The following ATP10D variants were observed in gnomAD, a reference collection of about 807,000 sequenced individuals.
The protein encoded by ATP10D is ATPase phospholipid transporting 10D (putative), also known as phospholipid-transporting ATPase VD.
Under a neutral mutation model 144.8 loss-of-function variants are expected in ATP10D, and 89 were observed. The observed-to-expected ratio is 0.61, with a 90% CI of 0.52 to 0.73. ATP10D has a LOEUF of 0.73. Among genes scored for constraint, ATP10D ranks in the 30% least tolerant of loss-of-function variants. The pLI, the probability that ATP10D is intolerant of heterozygous loss-of-function variation, is 0.00. For missense variants in ATP10D, 1,603 were observed against 1,714.8 expected (o/e 0.93, Z 1.15); for synonymous variants, 571 against 615.1 (o/e 0.93, Z 1.06).
At position 47,562,085 on chromosome 4, in the gene ATP10D, T is replaced by C. The variant is rs973740320; in HGVS notation, c.2668+1010T>C. ...CATGGGTTTAGTGCCAAAACTCATTTGGCAGAAAAATCATACCTGATTTGA... is the reference window on the plus strand; with the variant it reads ...CATGGGTTTAGTGCCAAAACTCATTCGGCAGAAAAATCATACCTGATTTGA... On this transcript the variant is annotated intron_variant, in intron 14 of 22. Coordinates refer to ENST00000273859, the MANE Select transcript of ATP10D (RefSeq NM_020453.4). 5.3e-5 allele frequency among the ~76,000 whole-genome samples: 8 copies of C among 152,230 alleles called. No individual in the cohort carries two copies. In the East Asian group the frequency reaches 1.5e-3, roughly 29 times the overall value.
At chr4:47,572,502 C>T (rs969518853) in intron 17 of ATP10D, among the ~76,000 whole-genome samples, 10 of 151,684 alleles carry the variant, frequency 6.6e-5, no homozygotes, top group African/African-American at 1.9e-4. Context: ...GCAATGGCTG[C>T]GTAAATTCTG....
intron 11 of ATP10D, among the ~76,000 whole-genome samples, chr4:47,557,253 A>G (rs1430255896): frequency 6.6e-6 from 1 of 152,012 alleles, no homozygotes; most frequent in African/African-American, 2.4e-5. Context: ...ATACACACAG[A>G]TAAGATCATG....
Position 47,582,009 on chromosome 4 carries a change from A to T in ATP10D, c.3698A>T (p.Asn1233Ile), listed in dbSNP as rs375013581. ...TDIFAFGNPL[N>I]TAALFIVLLH... ...ATCTTTGCATTTGGAAACCCCCTGA[A>T]CACAGCCGCTCTGTTCATCGTTCTC... is the stretch of plus-strand genomic sequence containing the variant. The change falls in exon 21 of 23, where the codon AAC becomes ATC. Residue 1233 changes from asparagine (N) to isoleucine (I), a missense_variant. Asn to Ile is a moderately radical substitution (Grantham distance 149). Coordinates refer to ENST00000273859, the MANE Select transcript of ATP10D (RefSeq NM_020453.4). 1.4e-5 allele frequency: 23 copies of T among 1,613,970 alleles called. No individual in the cohort carries two copies. The African/African-American group carries it at 2.7e-4, about 19-fold the overall frequency.
At chr4:47,579,761 G>T (rs116507964) in intron 19 of ATP10D, among the ~76,000 whole-genome samples, 1 of 152,262 alleles carries the variant, frequency 6.6e-6, no homozygotes, top group Admixed American at 6.5e-5. Flanking sequence ...CTTAGATTGT[G>T]TTGGAAATGC....
intron 15 of ATP10D, among the ~76,000 whole-genome samples, chr4:47,568,217 A>T (rs970961592): frequency 1.3e-5 from 2 of 152,240 alleles, no homozygotes; most frequent in African/African-American, 4.8e-5. Context: ...CCTGGCCAGA[A>T]TGCAAGTGCC....
intron 17 of ATP10D, 152 bp from the exon 18 acceptor site, chr4:47,572,720 T>C (rs17462259): frequency 0.16 from 147,310 of 893,700 alleles, 13,840 homozygotes; most frequent in South Asian, 0.23. Context: ...TAAAAGCTCA[T>C]AATCCAAAAA....
rs1721104193 is a variant in ATP10D at position 47,592,779 on chromosome 4, T to G, written c.*1398T>G. 2 of 152,582 alleles carry G rather than the reference T, an allele frequency of 1.3e-5. No homozygotes were observed. Among genetic ancestry groups the G allele is most frequent in the South Asian group, 4.1e-4 (2 of 4,834 alleles). The allele number at this position is 152,582 out of a possible 1,614,324, so 9.5% of individuals were successfully genotyped here. ...TTATTATTGGAAATAGTCTCTTACA[T>G]AAGCTGATTTCGAGAACTTTCAAAA... On this transcript the variant is annotated 3_prime_UTR_variant, in exon 23 of 23. Transcript: ENST00000273859.
intron 19 of ATP10D, among the ~76,000 whole-genome samples, chr4:47,579,265 T>C (rs1453367784): frequency 6.6e-6 from 1 of 152,232 alleles, no homozygotes; most frequent in African/African-American, 2.4e-5. Flanking sequence ...CATGAAAACG[T>C]GTATGTGAAT....
intron 1 of ATP10D, among the ~76,000 whole-genome samples, chr4:47,488,180 G>A (rs1315076164): frequency 2.0e-5 from 3 of 151,978 alleles, no homozygotes; most frequent in Non-Finnish European, 4.4e-5. Flanking sequence ...TATCTATATT[G>A]ATAAAACTCA....
rs112040313 is a variant in ATP10D at position 47,536,154 on chromosome 4, C to T, written c.1015+121C>T. The T allele has an allele frequency of 4.7e-3, 5,614 of 1,201,330 alleles. 16 individuals are homozygous for T. Among genetic ancestry groups the T allele is most frequent in the Non-Finnish European group, 6.0e-3 (5,115 of 855,770 alleles). The allele number at this position is 1,201,330 out of a possible 1,614,324, so 74.4% of individuals were successfully genotyped here. On this transcript the variant is annotated intron_variant, in intron 7 of 22. Transcript: ENST00000273859. ...GTGGATTTTGTCAGTAGTGTTTTAC[C>T]TCATATCCTTGTCTCTTTCATCCTT...
At chr4:47,524,300 T>A (rs1429936872) in intron 4 of ATP10D, among the ~76,000 whole-genome samples, 1 of 152,140 alleles carries the variant, frequency 6.6e-6, no homozygotes, top group Non-Finnish European at 1.5e-5. Context: ...AAAAAGTGGT[T>A]TAGCCTACTA....
chr4:47,511,798 T>C (rs911837240), intron 1 of ATP10D, among the ~76,000 whole-genome samples: 1 of 152,292 alleles, frequency 6.6e-6, no homozygotes. Context: ...GTGGTGTTAT[T>C]TATGTATTTA....
intron 3 of ATP10D, among the ~76,000 whole-genome samples, chr4:47,522,437 A>G (rs965391970): frequency 1.3e-5 from 2 of 152,230 alleles, no homozygotes; most frequent in African/African-American, 4.8e-5. Context: ...TTAGACTCAA[A>G]CAGCATAATG....
chr4:47,556,548 T>C (rs1719002401), intron 11 of ATP10D, among the ~76,000 whole-genome samples: 1 of 152,176 alleles, frequency 6.6e-6, no homozygotes, highest in Non-Finnish European at 1.5e-5. Context: ...CTCTGAAGCA[T>C]ATAAGAGTCT....
At chr4:47,566,909 T>A (rs942639870) in intron 15 of ATP10D, among the ~76,000 whole-genome samples, 2 of 152,192 alleles carry the variant, frequency 1.3e-5, no homozygotes, top group Non-Finnish European at 2.9e-5. Flanking sequence ...CATGGGTAAG[T>A]TCCCCCCATA....
intron 10 of ATP10D, among the ~76,000 whole-genome samples, chr4:47,552,345 G>A (rs1718769746): frequency 6.6e-6 from 1 of 152,158 alleles, no homozygotes; most frequent in African/African-American, 2.4e-5. Flanking sequence ...GGGTAGCTTA[G>A]AAACAACAGA....
At chr4:47,492,159 C>T (rs1340020581) in intron 1 of ATP10D, among the ~76,000 whole-genome samples, 1 of 152,156 alleles carries the variant, frequency 6.6e-6, no homozygotes, top group Non-Finnish European at 1.5e-5. Flanking sequence ...GTGTTAGGCA[C>T]AGTGCATTGT....
At chr4:47,525,712 A>G (rs536926509) in intron 5 of ATP10D, 70 bp downstream of exon 5, 191 of 1,306,724 alleles carry the variant, frequency 1.5e-4, no homozygotes, top group Non-Finnish European at 2.1e-4. Flanking sequence ...TTAATTTGAT[A>G]AAGTGTTTCT....
intron 1 of ATP10D, among the ~76,000 whole-genome samples, chr4:47,499,967 CATA>C (rs1715598649): frequency 6.6e-6 from 1 of 152,188 alleles, no homozygotes; most frequent in African/African-American, 2.4e-5. Flanking sequence ...CTTCAGCATG[CATA>C]ATAAGAGCTG....
Sources: gnomAD v4.1 joint callset for allele counts (sites outside exome capture counted in the v4.1 genomes callset) on GRCh38, gnomAD v4.1.1 for gene constraint, MANE v1.5 for transcripts, NCBI Gene and HGNC (gene_info 2026-07-23, HGNC 2026-07-21) for gene names.